CXCL12: variants seen among roughly 807,000 people sequenced by gnomAD.
The protein encoded by CXCL12 is C-X-C motif chemokine ligand 12.
A neutral mutation model predicts 10.7 loss-of-function variants in CXCL12; 4 were observed. That is an observed-to-expected ratio of 0.37 (90% CI 0.18 to 0.86). CXCL12 has a LOEUF of 0.86. CXCL12 is among the 40% of genes least tolerant of loss of function. The pLI, the probability that CXCL12 is intolerant of heterozygous loss-of-function variation, is 0.43. For missense variants in CXCL12, 122 were observed against 110.4 expected (o/e 1.10, Z -0.47); for synonymous variants, 54 against 45.4 (o/e 1.19, Z -0.77).
chr10:44,381,807 CT>C (rs1401315783), intron 1 of CXCL12, among the ~76,000 whole-genome samples: 1 of 152,130 alleles, frequency 6.6e-6, no homozygotes, highest in Admixed American at 6.5e-5. Context: ...ATTATTTGAA[CT>C]TGTGGATCCT....
chr10:44,380,532 G>T (rs936050564), intron 2 of CXCL12: 14 of 526,088 alleles, frequency 2.7e-5, no homozygotes, highest in Non-Finnish European at 4.5e-5. Flanking sequence ...AAAGAAGAGA[G>T]AACTACTACG....
rs943811497 is a variant in CXCL12, at chr10:44,378,087, G to T, written c.*546C>A. The stretch of plus-strand genomic sequence containing the variant: ...AAGGCAGTGGCGGCGCCCAGCCCCA[G>T]TCGGTATCTGAGTGCCACAGAGGCC... On this transcript the variant is annotated 3_prime_UTR_variant, in exon 3 of 3. Transcript: ENST00000343575. The T allele has an allele frequency of 1.4e-5, 21 of 1,452,820 alleles. No homozygotes were observed. The highest frequency in any genetic ancestry group is 1.8e-5 in the Non-Finnish European group (20 of 1,111,096). The allele number at this position is 1,452,820 out of a possible 1,614,324, so 90.0% of individuals were successfully genotyped here.
Position 44,377,323 on chromosome 10 carries a change from T to C in CXCL12, c.*1310A>G, listed in dbSNP as rs986400448. 3.9e-5 allele frequency: 40 copies of C among 1,033,838 alleles called. No homozygotes were observed. The highest frequency in any genetic ancestry group is 4.7e-4 in the Middle Eastern group (1 of 2,126). The allele number at this position is 1,033,838 out of a possible 1,614,324, so 64.0% of individuals were successfully genotyped here. On this transcript the variant is annotated 3_prime_UTR_variant, in exon 3 of 3. Coordinates refer to ENST00000343575, the MANE Select transcript of CXCL12 (RefSeq NM_199168.4). Reference sequence around the variant, plus strand: ...GAAGTATAAACTACTGACATTCATATGGCTCCACTTCAAATATATGAATTG... The same window carrying C: ...GAAGTATAAACTACTGACATTCATACGGCTCCACTTCAAATATATGAATTG...
intron 1 of CXCL12, among the ~76,000 whole-genome samples, chr10:44,383,818 T>G (rs1250232489): frequency 2.6e-5 from 4 of 152,156 alleles, no homozygotes; most frequent in Non-Finnish European, 4.4e-5. Context: ...GGGCCACGTC[T>G]GCACCAACCC....
chr10:44,381,103 G>A (rs1415533548), intron 1 of CXCL12, among the ~76,000 whole-genome samples: 2 of 152,186 alleles, frequency 1.3e-5, no homozygotes, highest in African/African-American at 4.8e-5. Context: ...AGCCCAACAG[G>A]CCTGGGGAGA....
At chr10:44,372,599 T>A (rs966180174), downstream of CXCL12, 3 of 1,264,832 alleles carry the variant, frequency 2.4e-6, no homozygotes, top group African/African-American at 4.5e-5. Context: ...TGGTGCACAG[T>A]TTACATGAAA....
intron 1 of CXCL12, among the ~76,000 whole-genome samples, chr10:44,382,692 C>T (rs149407406): frequency 6.6e-6 from 1 of 152,088 alleles, no homozygotes; most frequent in Admixed American, 6.5e-5. Flanking sequence ...CTCCTCTCCC[C>T]CTCCACCCCC....
At chr10:44,372,984 C>A (rs1315157020), downstream of CXCL12, 7 of 1,536,042 alleles carry the variant, frequency 4.6e-6, no homozygotes, top group South Asian at 2.4e-5. Context: ...GCTCCCTCAG[C>A]CCAGTCTCCC....
downstream of CXCL12, chr10:44,375,873 G>A: frequency 1.2e-6 from 2 of 1,604,902 alleles, no homozygotes; most frequent in South Asian, 2.2e-5. Flanking sequence ...TCCTGGAGGA[G>A]GATCGAGCAA....
At chr10:44,384,331 G>A (rs541929740) in intron 1 of CXCL12, among the ~76,000 whole-genome samples, 1 of 152,156 alleles carries the variant, frequency 6.6e-6, no homozygotes, top group Non-Finnish European at 1.5e-5. Flanking sequence ...GCGCGGCCTG[G>A]CGGGTGGCAC....
At chr10:44,380,244 T>G (rs1196334513) in intron 2 of CXCL12, among the ~76,000 whole-genome samples, 1 of 152,220 alleles carries the variant, frequency 6.6e-6, no homozygotes, top group Non-Finnish European at 1.5e-5. Flanking sequence ...GTGGCTGCCA[T>G]CCACACCAAA....
rs566645600 is a variant in CXCL12 at position 44,384,090 on chromosome 10, C to T, written c.61+855G>A. ...ACGGGACACCACGGTTCCCAGTGGC[C>T]CAGGGCCTTGGAGATTGAACTTTGC... is the stretch of plus-strand genomic sequence containing the variant. On this transcript the variant is annotated intron_variant, in intron 1 of 2. Transcript: ENST00000343575. Among the ~76,000 whole-genome samples the T allele has an allele frequency of 3.3e-5, 5 of 152,332 alleles. No homozygotes were observed. The South Asian group carries it at 1.0e-3, about 32-fold the overall frequency.
downstream of CXCL12, chr10:44,371,267 T>C (rs1016781033): frequency 1.4e-5 from 5 of 351,006 alleles, no homozygotes; most frequent in African/African-American, 4.4e-5. Context: ...TAGAAATGAT[T>C]CCTTTCCTGA....
Position 44,377,727 on chromosome 10 carries a change from T to C in CXCL12, c.*906A>G, listed in dbSNP as rs1184559214. 1.3e-6 allele frequency: 2 copies of C among 1,598,330 alleles called. No homozygotes were observed. The highest frequency in any genetic ancestry group is 2.2e-5 in the South Asian group (2 of 91,006). On this transcript the variant is annotated 3_prime_UTR_variant, in exon 3 of 3. Coordinates refer to ENST00000343575, the MANE Select transcript of CXCL12 (RefSeq NM_199168.4). ...ATTTGATTCTGTAAAGACTTGTCTT[T>C]TGCGGGTAAGCAGGGGGACCATTAC...
Position 44,378,086 on chromosome 10 carries a change from A to C in CXCL12, c.*547T>G. 1 of 1,453,366 alleles carries C rather than the reference A, an allele frequency of 6.9e-7. No homozygotes were observed. The highest frequency in any genetic ancestry group is 9.0e-7 in the Non-Finnish European group (1 of 1,111,398). 90.0% of individuals were successfully genotyped at this position (1,453,366 alleles called of 1,614,324 possible). A position where few individuals can be genotyped will look rare whatever the true frequency, so the allele number is the denominator to read the frequency against. On this transcript the variant is annotated 3_prime_UTR_variant, in exon 3 of 3. Coordinates refer to ENST00000343575, the MANE Select transcript of CXCL12 (RefSeq NM_199168.4). ...GAAGGCAGTGGCGGCGCCCAGCCCC[A>C]GTCGGTATCTGAGTGCCACAGAGGC...
At position 44,378,440 on chromosome 10, in the gene CXCL12, C is replaced by T. The variant is rs1839525617; in HGVS notation, c.*193G>A. 2 of 1,544,026 alleles carry T rather than the reference C, an allele frequency of 1.3e-6. No individual in the cohort carries two copies. The highest frequency in any genetic ancestry group is 1.7e-6 in the Non-Finnish European group (2 of 1,147,702). ...GATGAATATAAGCTGCAATATCATA[C>T]CGTATGCTATAAATGCAGGGTCTAA... On this transcript the variant is annotated 3_prime_UTR_variant, in exon 3 of 3. Transcript: ENST00000343575.
At chr10:44,372,781 C>T (rs547962650), downstream of CXCL12, 32 of 1,454,096 alleles carry the variant, frequency 2.2e-5, no homozygotes, top group African/African-American at 3.0e-4. Context: ...TCAGGGTAGC[C>T]CTGCTGCCCT....
At chr10:44,374,741 T>A, downstream of CXCL12, 3 of 450,088 alleles carry the variant, frequency 6.7e-6, no homozygotes, top group Non-Finnish European at 1.3e-5. Flanking sequence ...ATGTGCTCCA[T>A]CCTCCAACCA....
Position 44,378,430 on chromosome 10 carries a change from CA to C in CXCL12, c.*202del, listed in dbSNP as rs1237909168. The C allele has an allele frequency of 1.3e-6, 2 of 1,549,464 alleles. No homozygotes were observed. Among genetic ancestry groups the C allele is most frequent in the Non-Finnish European group, 1.7e-6 (2 of 1,150,948 alleles). The stretch of plus-strand genomic sequence containing the variant: ...ACAGGGCATGGATGAATATAAGCTG[CA>C]ATATCATACCGTATGCTATAAATGC... On this transcript the variant is annotated 3_prime_UTR_variant, in exon 3 of 3. Coordinates refer to ENST00000343575, the MANE Select transcript of CXCL12 (RefSeq NM_199168.4).
Sources: gnomAD v4.1 joint callset for allele counts (sites outside exome capture counted in the v4.1 genomes callset) on GRCh38, gnomAD v4.1.1 for gene constraint, MANE v1.5 for transcripts, NCBI Gene and HGNC (gene_info 2026-07-23, HGNC 2026-07-21) for gene names.